GLRA3: variants seen among roughly 807,000 people sequenced by gnomAD.
GLRA3 encodes the protein glycine receptor subunit alpha-3.
GLRA3 carries 44 observed loss-of-function variants against 60.4 expected under a neutral mutation model. The observed-to-expected ratio is 0.73, with a 90% CI of 0.57 to 0.94. The LOEUF is 0.94. GLRA3 is among the 40% of genes least tolerant of loss of function. GLRA3 has a pLI of 0.00. For missense variants in GLRA3, 508 were observed against 564.6 expected (o/e 0.90, Z 1.02); for synonymous variants, 223 against 192.9 (o/e 1.16, Z -1.29).
At chr4:174,678,535 T>C (rs1180372022) in intron 6 of GLRA3, among the ~76,000 whole-genome samples, 1 of 152,210 alleles carries the variant, frequency 6.6e-6, no homozygotes, top group East Asian at 1.9e-4. Flanking sequence ...CTTCTATTCA[T>C]GTGACTTGGG....
chr4:174,815,723 A>T (rs1208337630), intron 1 of GLRA3, among the ~76,000 whole-genome samples: 2 of 152,158 alleles, frequency 1.3e-5, no homozygotes, highest in African/African-American at 4.8e-5. Flanking sequence ...GCAGGGCACC[A>T]AGTCCCTAGG....
At chr4:174,733,468 G>A (rs58696179) in intron 3 of GLRA3, among the ~76,000 whole-genome samples, 8,515 of 152,060 alleles carry the variant, frequency 0.056, 275 homozygotes, top group South Asian at 0.11. Context: ...GATAGCAAAG[G>A]GCCCAGCCTG....
At chr4:174,804,445 A>G (rs1332854554) in intron 1 of GLRA3, among the ~76,000 whole-genome samples, 1 of 152,096 alleles carries the variant, frequency 6.6e-6, no homozygotes, top group Non-Finnish European at 1.5e-5. Flanking sequence ...GGTCAGGAAG[A>G]GAGTTGAGGG....
intron 4 of GLRA3, among the ~76,000 whole-genome samples, 179 bp downstream of exon 4, chr4:174,728,296 G>A (rs550226447): frequency 6.6e-6 from 1 of 152,196 alleles, no homozygotes; most frequent in African/African-American, 2.4e-5. Flanking sequence ...TCCTGAATCT[G>A]GAACTTGGGT....
intron 3 of GLRA3, among the ~76,000 whole-genome samples, chr4:174,755,867 A>G (rs1330444978): frequency 2.0e-5 from 3 of 152,088 alleles, no homozygotes; most frequent in Non-Finnish European, 4.4e-5. Flanking sequence ...TATCTATCAG[A>G]ACGAATAAAA....
At position 174,766,778 on chromosome 4, in the gene GLRA3, A is replaced by G. The variant is rs532349397; in HGVS notation, c.267+185T>C. 2.6e-5 allele frequency among the ~76,000 whole-genome samples: 4 copies of G among 152,108 alleles called. No individual in the cohort carries two copies. The East Asian group carries it at 7.7e-4, about 29-fold the overall frequency. ...ATGTTGTTTTCACTTATATTTATAT[A>G]CTCTAATATACCATCTCTAACTGAA... On this transcript the variant is annotated intron_variant, in intron 3 of 9. Coordinates refer to ENST00000274093, the MANE Select transcript of GLRA3 (RefSeq NM_006529.4).
chr4:174,637,044 AATATAAT>A lies in GLRA3; in HGVS notation c.*6735_*6741del, dbSNP rs1175789003. The A allele has an allele frequency of 5.3e-5, 8 of 152,204 alleles. No homozygotes were observed. The highest frequency in any genetic ancestry group is 1.9e-4 in the African/African-American group (8 of 41,454). The allele number at this position is 152,204 out of a possible 1,614,324, so 9.4% of individuals were successfully genotyped here. A position where few individuals can be genotyped will look rare whatever the true frequency, so the allele number is the denominator to read the frequency against. Reference sequence around the variant, plus strand: ...GTCTGTTAGTTGCAAAATTGAACTAAATATAATATAATGAAAAACAAGTTGATGAAAT... The same window carrying A: ...GTCTGTTAGTTGCAAAATTGAACTAAATAATGAAAAACAAGTTGATGAAAT... On this transcript the variant is annotated 3_prime_UTR_variant, in exon 10 of 10. Transcript: ENST00000274093.
chr4:174,690,631 T>C (rs1734758566), intron 5 of GLRA3, among the ~76,000 whole-genome samples: 1 of 152,176 alleles, frequency 6.6e-6, no homozygotes, highest in Non-Finnish European at 1.5e-5. Context: ...TATCCAATAG[T>C]TGTCTTTTCT....
At chr4:174,724,295 T>C (rs1205195330) in intron 4 of GLRA3, among the ~76,000 whole-genome samples, 1 of 152,002 alleles carries the variant, frequency 6.6e-6, no homozygotes, top group Non-Finnish European at 1.5e-5. Flanking sequence ...TATGTACACA[T>C]ACATATGTAA....
At chr4:174,751,949 T>C (rs758008894) in intron 3 of GLRA3, among the ~76,000 whole-genome samples, 6 of 151,812 alleles carry the variant, frequency 4.0e-5, no homozygotes, top group Non-Finnish European at 8.8e-5. Flanking sequence ...TAGGGAGGCA[T>C]AATGAAAAAA....
At chr4:174,760,366 G>A (rs1737888930) in intron 3 of GLRA3, among the ~76,000 whole-genome samples, 1 of 152,128 alleles carries the variant, frequency 6.6e-6, no homozygotes, top group South Asian at 2.1e-4. Context: ...ATTGCTAATA[G>A]GTGCTTCAAA....
At chr4:174,801,434 C>T (rs1036151589) in intron 1 of GLRA3, among the ~76,000 whole-genome samples, 1 of 152,062 alleles carries the variant, frequency 6.6e-6, no homozygotes, top group Non-Finnish European at 1.5e-5. Flanking sequence ...TTGTCATCTC[C>T]ACTTGGATAT....
At chr4:174,737,179 T>C (rs1228188282) in intron 3 of GLRA3, among the ~76,000 whole-genome samples, 1 of 152,216 alleles carries the variant, frequency 6.6e-6, no homozygotes, top group East Asian at 1.9e-4. Context: ...TAAGATCAAA[T>C]TTTACCAAAA....
chr4:174,808,852 C>T (rs1487467060), intron 1 of GLRA3, among the ~76,000 whole-genome samples: 3 of 152,038 alleles, frequency 2.0e-5, no homozygotes, highest in Non-Finnish European at 2.9e-5. Flanking sequence ...ATAAAGAATA[C>T]ATTTTATAAG....
In GLRA3 at chr4:174,828,820, G is replaced by C; in HGVS notation, c.-9C>G. The C allele has an allele frequency of 2.5e-6, 4 of 1,590,102 alleles. No homozygotes were observed. The highest frequency in any genetic ancestry group is 3.5e-6 in the Non-Finnish European group (4 of 1,158,092). ...TGTCTCACGTGGGCCATGATACGGAGAGATATTCACGATCCTGAAAATAGT... is the reference window on the plus strand; with the variant it reads ...TGTCTCACGTGGGCCATGATACGGACAGATATTCACGATCCTGAAAATAGT... On this transcript the variant is annotated 5_prime_UTR_variant, in exon 1 of 10. Transcript: ENST00000274093.
At chr4:174,758,038 G>A (rs986371336) in intron 3 of GLRA3, among the ~76,000 whole-genome samples, 7 of 151,858 alleles carry the variant, frequency 4.6e-5, no homozygotes, top group African/African-American at 7.3e-5. Flanking sequence ...CTGTACTCTC[G>A]TCCTGTAATC....
intron 3 of GLRA3, among the ~76,000 whole-genome samples, chr4:174,757,926 G>A (rs1737782629): frequency 1.3e-5 from 2 of 152,128 alleles, no homozygotes; most frequent in South Asian, 4.1e-4. Flanking sequence ...CCTCATGAAT[G>A]GCTTTGTGCT....
intron 5 of GLRA3, among the ~76,000 whole-genome samples, chr4:174,702,250 T>C (rs1403292644): frequency 6.6e-6 from 1 of 152,126 alleles, no homozygotes; most frequent in Non-Finnish European, 1.5e-5. Flanking sequence ...ACCAGGAAAA[T>C]GATTATGACT....
In GLRA3 at chr4:174,677,292, C is replaced by T; in HGVS notation, c.713G>A (p.Gly238Glu). The stretch of plus-strand genomic sequence containing the variant: ...TCGCACTTCTATACACGTAAACTTT[C>T]CTAATTGGTGGTAAGGTAAATACAG... The part of the protein sequence containing the change: ...LRYCTKHYNT[G>E]KFTCIEVRFH... The change falls in exon 7 of 10, where the codon GGA becomes GAA. Residue 238 changes from glycine (G) to glutamate (E), a missense_variant and splice_region_variant. Gly to Glu is a moderately conservative substitution (Grantham distance 98). Around this residue, in one of 3 missense-constraint regions of GLRA3, gnomAD observed 329 missense variants for 349.3 expected, o/e 0.94. Coordinates refer to ENST00000274093, the MANE Select transcript of GLRA3 (RefSeq NM_006529.4). 1 of 1,577,682 alleles carries T rather than the reference C, an allele frequency of 6.3e-7. No individual in the cohort carries two copies. Among genetic ancestry groups the T allele is most frequent in the Non-Finnish European group, 8.7e-7 (1 of 1,148,046 alleles).
Sources: allele counts gnomAD v4.1 joint callset (sites outside exome capture counted in the v4.1 genomes callset), GRCh38; gene constraint gnomAD v4.1.1; regional missense constraint gnomAD v4.1.1; transcripts MANE v1.5; gene names NCBI Gene and HGNC (gene_info 2026-07-23, HGNC 2026-07-21).